The following CDC73 variants were observed in gnomAD, a reference collection of about 807,000 sequenced individuals.
The protein encoded by CDC73 is cell division cycle 73.
Under a neutral mutation model 83.7 loss-of-function variants are expected in CDC73, and 21 were observed. The observed-to-expected ratio is 0.25, with a 90% CI of 0.18 to 0.36. CDC73 has a LOEUF of 0.36. Ranked by LOEUF, CDC73 falls within the 10% of genes least tolerant of loss-of-function variation. The pLI is 1.00. For missense variants in CDC73, 342 were observed against 653.3 expected (o/e 0.52, Z 5.19); for synonymous variants, 224 against 212.9 (o/e 1.05, Z -0.45).
intron 15 of CDC73, among the ~76,000 whole-genome samples, chr1:193,247,578 A>C (rs1677975710): frequency 1.3e-5 from 2 of 152,288 alleles, no homozygotes; most frequent in South Asian, 4.1e-4. Context: ...GACAGGCCAA[A>C]AGCTAGGTCT....
chr1:193,127,560 A>G (rs1195277521), intron 2 of CDC73, among the ~76,000 whole-genome samples: 1 of 152,154 alleles, frequency 6.6e-6, no homozygotes, highest in African/African-American at 2.4e-5. Flanking sequence ...GGATATATTC[A>G]TTTTAGTGTA....
chr1:193,180,171 CT>C, intron 10 of CDC73: 1 of 813,688 alleles, frequency 1.2e-6, no homozygotes, highest in South Asian at 3.4e-5. Context: ...TAAAAAAATA[CT>C]TCTTGAATTT....
intron 1 of CDC73, among the ~76,000 whole-genome samples, chr1:193,123,409 T>C (rs567265938): frequency 2.9e-4 from 44 of 152,236 alleles, no homozygotes; most frequent in African/African-American, 9.9e-4. Flanking sequence ...TGTAGTTTAG[T>C]AGAGATGTGG....
At chr1:193,187,534 T>A (rs972865364) in intron 10 of CDC73, among the ~76,000 whole-genome samples, 4 of 152,238 alleles carry the variant, frequency 2.6e-5, no homozygotes, top group East Asian at 3.9e-4. Flanking sequence ...AAGGTTTTTT[T>A]AAATTTTTTG....
At chr1:193,155,402 A>T (rs1229013150) in intron 10 of CDC73, among the ~76,000 whole-genome samples, 1 of 152,206 alleles carries the variant, frequency 6.6e-6, no homozygotes, top group East Asian at 1.9e-4. Flanking sequence ...CCAAGCCATG[A>T]AATTGTTGAT....
chr1:193,181,522 A>G, intron 10 of CDC73: 1 of 1,608,458 alleles, frequency 6.2e-7, no homozygotes, highest in Non-Finnish European at 8.5e-7. Flanking sequence ...ATTCCAGGTC[A>G]TCTTTGCAAA....
In CDC73 at chr1:193,232,828, A is replaced by G. The variant is rs150246947; in HGVS notation, c.1155-165A>G. On this transcript the variant is annotated intron_variant, in intron 13 of 16. Coordinates refer to ENST00000367435, the MANE Select transcript of CDC73 (RefSeq NM_024529.5). Reference sequence around the variant, plus strand: ...TGAGGCAGGAGAATCGCTTGAAACCAGAAGGTGGAGGTTGCAGTGAGCCAA... The same window carrying G: ...TGAGGCAGGAGAATCGCTTGAAACCGGAAGGTGGAGGTTGCAGTGAGCCAA... Among the ~76,000 whole-genome samples the G allele has an allele frequency of 0.012, 1,857 of 152,138 alleles. 19 individuals are homozygous for G. Among genetic ancestry groups the G allele is most frequent in the South Asian group, 0.034 (162 of 4,810 alleles).
intron 1 of CDC73, among the ~76,000 whole-genome samples, chr1:193,123,840 T>C (rs1675513839): frequency 6.6e-6 from 1 of 152,234 alleles, no homozygotes; most frequent in Admixed American, 6.5e-5. Context: ...TATAAGTTGA[T>C]GTGAAATGCT....
chr1:193,239,623 A>T (rs558226954), intron 15 of CDC73, among the ~76,000 whole-genome samples: 5 of 152,090 alleles, frequency 3.3e-5, no homozygotes, highest in Non-Finnish European at 5.9e-5. Flanking sequence ...TTGTTGATAC[A>T]TAATATTTGT....
intron 10 of CDC73, among the ~76,000 whole-genome samples, chr1:193,187,303 T>C: frequency 6.6e-6 from 1 of 152,204 alleles, no homozygotes. Context: ...ATTACATGTA[T>C]CGTAGAATTC....
intron 3 of CDC73, among the ~76,000 whole-genome samples, chr1:193,134,448 A>T (rs976572496): frequency 2.0e-5 from 3 of 152,114 alleles, no homozygotes; most frequent in Non-Finnish European, 4.4e-5. Flanking sequence ...AGGCGGGCGG[A>T]TCACGAGGTC....
intron 8 of CDC73, among the ~76,000 whole-genome samples, chr1:193,149,951 C>T (rs985914820): frequency 6.6e-6 from 1 of 152,052 alleles, no homozygotes; most frequent in African/African-American, 2.4e-5. Flanking sequence ...TTTGTTAAAA[C>T]AATCATAATT....
intron 6 of CDC73, among the ~76,000 whole-genome samples, chr1:193,140,778 A>C (rs1248485878): frequency 1.3e-5 from 2 of 152,146 alleles, no homozygotes; most frequent in Non-Finnish European, 2.9e-5. Flanking sequence ...ATAATTTAAA[A>C]CTTACGAATT....
chr1:193,124,370 G>T (rs985729197), intron 1 of CDC73, among the ~76,000 whole-genome samples: 1 of 152,160 alleles, frequency 6.6e-6, no homozygotes, highest in Non-Finnish European at 1.5e-5. Context: ...ATAATTGATG[G>T]TGTGTGGTTT....
At chr1:193,233,791 T>G (rs1447189853) in intron 14 of CDC73, among the ~76,000 whole-genome samples, 1 of 152,192 alleles carries the variant, frequency 6.6e-6, no homozygotes, top group East Asian at 1.9e-4. Flanking sequence ...AATAGCTCTT[T>G]TATCATGGTT....
At chr1:193,190,122 C>G (rs1247204260) in intron 10 of CDC73, among the ~76,000 whole-genome samples, 1 of 152,104 alleles carries the variant, frequency 6.6e-6, no homozygotes, top group African/African-American at 2.4e-5. Context: ...TAGGACTTAC[C>G]AGAAATACCA....
intron 6 of CDC73, among the ~76,000 whole-genome samples, chr1:193,140,436 C>A (rs1675885227): frequency 6.6e-6 from 1 of 152,136 alleles, no homozygotes; most frequent in Admixed American, 6.6e-5. Flanking sequence ...CCAGTGGATG[C>A]CTGAAACCTC....
intron 10 of CDC73, among the ~76,000 whole-genome samples, chr1:193,174,143 A>G (rs544066292): frequency 1.3e-5 from 2 of 151,488 alleles, no homozygotes; most frequent in Non-Finnish European, 3.0e-5. Context: ...TCTTGGCTAC[A>G]AGTCTTCTCG....
At chr1:193,197,927 CAAAAAAAAAAA>C (rs61392426) in intron 10 of CDC73, among the ~76,000 whole-genome samples, 2 of 73,230 alleles carry the variant, frequency 2.7e-5, no homozygotes, top group Admixed American at 2.9e-4. Flanking sequence ...ACCATCTCAC[CAAAAAAAAAAA>C]AAAAAAAAAG....
Sources: allele counts gnomAD v4.1 joint callset (sites outside exome capture counted in the v4.1 genomes callset), GRCh38; gene constraint gnomAD v4.1.1; transcripts MANE v1.5; gene names NCBI Gene and HGNC (gene_info 2026-07-23, HGNC 2026-07-21).